TXNRD1: variants seen among roughly 807,000 people sequenced by gnomAD.
The protein encoded by TXNRD1 is thioredoxin reductase 1, cytoplasmic.
Under a neutral mutation model 80.3 loss-of-function variants are expected in TXNRD1, and 57 were observed. That is an observed-to-expected ratio of 0.71 (90% CI 0.57 to 0.89). The LOEUF (loss-of-function observed/expected upper bound fraction) is 0.89, where lower values mean the gene tolerates loss of function less well. Among genes scored for constraint, TXNRD1 ranks in the 40% least tolerant of loss-of-function variants. TXNRD1 has a pLI of 0.00. For missense variants in TXNRD1, 730 were observed against 803.0 expected, an observed-to-expected ratio of 0.91 and a Z score of 1.10; for synonymous variants, 291 against 285.2, an observed-to-expected ratio of 1.02 and a Z score of -0.20.
intron 16 of TXNRD1, among the ~76,000 whole-genome samples, chr12:104,345,843 A>G (rs905839142): frequency 6.6e-6 from 1 of 152,184 alleles, no homozygotes; most frequent in Admixed American, 6.5e-5. Flanking sequence ...GTGGGGACAG[A>G]TAAGAGTATG....
chr12:104,345,420 A>G (rs1296925779), intron 16 of TXNRD1, among the ~76,000 whole-genome samples: 5 of 152,216 alleles, frequency 3.3e-5, no homozygotes. Context: ...ATTACTTACA[A>G]AAGTTGACAA....
intron 1 of TXNRD1, among the ~76,000 whole-genome samples, chr12:104,222,936 G>A (rs997655038): frequency 6.6e-6 from 1 of 152,194 alleles, no homozygotes; most frequent in Non-Finnish European, 1.5e-5. Context: ...TGTCTAGGCT[G>A]TAATAAAATA....
intron 1 of TXNRD1, among the ~76,000 whole-genome samples, chr12:104,242,019 C>A (rs1225192786): frequency 7.5e-6 from 1 of 133,588 alleles, no homozygotes; most frequent in Admixed American, 8.7e-5. Context: ...CTCACTGCAA[C>A]CTCCACCTCC....
chr12:104,302,995 TCA>T (rs2034700934), intron 4 of TXNRD1, among the ~76,000 whole-genome samples: 2 of 152,224 alleles, frequency 1.3e-5, no homozygotes, highest in Admixed American at 6.5e-5. Context: ...CTTTTAGGGT[TCA>T]GAGTTACTAC....
At chr12:104,260,151 T>G (rs531320928) in intron 3 of TXNRD1, among the ~76,000 whole-genome samples, 150 of 151,856 alleles carry the variant, frequency 9.9e-4, no homozygotes, top group African/African-American at 3.2e-3. Flanking sequence ...CTGACCAGTA[T>G]GGAGAAACCC....
chr12:104,229,016 G>A (rs892715919), intron 1 of TXNRD1, among the ~76,000 whole-genome samples: 3 of 151,922 alleles, frequency 2.0e-5, no homozygotes, highest in Non-Finnish European at 4.4e-5. Context: ...ACCGTGCCCA[G>A]CCTAGAACAT....
intron 2 of TXNRD1, among the ~76,000 whole-genome samples, chr12:104,252,772 A>G (rs11111952): frequency 0.83 from 113,302 of 136,244 alleles, 47,082 homozygotes; most frequent in East Asian, 0.89. Context: ...GCGCGATCTC[A>G]GCTCACTGCA....
At chr12:104,292,338 C>T (rs919786763) in intron 4 of TXNRD1, among the ~76,000 whole-genome samples, 17 of 152,120 alleles carry the variant, frequency 1.1e-4, no homozygotes, top group Middle Eastern at 3.4e-3. Context: ...AGGCTTTACC[C>T]GAGTTCTTTT....
At chr12:104,270,088 A>G (rs1002888165) in intron 3 of TXNRD1, among the ~76,000 whole-genome samples, 10 of 152,152 alleles carry the variant, frequency 6.6e-5, no homozygotes, top group African/African-American at 2.4e-4. Context: ...TGAATTCATC[A>G]AAGTTACTCA....
intron 1 of TXNRD1, among the ~76,000 whole-genome samples, chr12:104,233,495 G>C (rs1258337905): frequency 1.3e-5 from 2 of 152,094 alleles, no homozygotes; most frequent in African/African-American, 4.8e-5. Context: ...AAATAAAAAT[G>C]CTCCAAATTT....
chr12:104,319,671 T>C (rs1429151874), intron 9 of TXNRD1, 86 bp downstream of exon 9: 4 of 1,002,308 alleles, frequency 4.0e-6, no homozygotes, highest in Non-Finnish European at 4.5e-6. Context: ...CGTCAATTTC[T>C]TGGGCTTCAG....
chr12:104,300,610 G>A (rs1324701572), intron 4 of TXNRD1, among the ~76,000 whole-genome samples: 1 of 152,162 alleles, frequency 6.6e-6, no homozygotes, highest in African/African-American at 2.4e-5. Context: ...TATATGATTG[G>A]GGAGAGTTAT....
intron 7 of TXNRD1, among the ~76,000 whole-genome samples, chr12:104,318,522 A>G (rs2035409538): frequency 6.6e-6 from 1 of 152,240 alleles, no homozygotes; most frequent in East Asian, 1.9e-4. Flanking sequence ...CCAGCCCCTG[A>G]CATAAACACT....
At chr12:104,336,751 T>C (rs1458951343) in intron 15 of TXNRD1, among the ~76,000 whole-genome samples, 1 of 152,206 alleles carries the variant, frequency 6.6e-6, no homozygotes, top group African/African-American at 2.4e-5. Flanking sequence ...ACTATAGAGC[T>C]CTACAGGTAT....
At chr12:104,301,959 T>G (rs1021258866) in intron 4 of TXNRD1, among the ~76,000 whole-genome samples, 2 of 152,234 alleles carry the variant, frequency 1.3e-5, no homozygotes, top group African/African-American at 4.8e-5. Flanking sequence ...TGCTGCCAAA[T>G]AACTTGCAGT....
At chr12:104,323,298 C>T (rs1157036653) in intron 10 of TXNRD1, among the ~76,000 whole-genome samples, 3 of 150,342 alleles carry the variant, frequency 2.0e-5, no homozygotes, top group Non-Finnish European at 4.5e-5. Flanking sequence ...CATCCTGGCC[C>T]GTTCTCAATG....
chr12:104,271,454 G>A (rs2135725073), intron 3 of TXNRD1, among the ~76,000 whole-genome samples: 1 of 152,246 alleles, frequency 6.6e-6, no homozygotes, highest in Admixed American at 6.5e-5. Flanking sequence ...TGGGATTACA[G>A]GCATGAGCCA....
chr12:104,336,604 G>GTAC (rs2036148147), intron 15 of TXNRD1, among the ~76,000 whole-genome samples: 1 of 152,024 alleles, frequency 6.6e-6, no homozygotes, highest in Non-Finnish European at 1.5e-5. Context: ...GATGAAGAAG[G>GTAC]TACTCACCAT....
At chr12:104,323,125 G>T (rs1273756699) in intron 10 of TXNRD1, among the ~76,000 whole-genome samples, 5 of 122,960 alleles carry the variant, frequency 4.1e-5, no homozygotes, top group Non-Finnish European at 6.8e-5. Flanking sequence ...TGGGGGTAAG[G>T]TCACAGATCA....
Sources: allele counts gnomAD v4.1 joint callset (sites outside exome capture counted in the v4.1 genomes callset), GRCh38; gene constraint gnomAD v4.1.1; transcripts MANE v1.5; gene names NCBI Gene and HGNC (gene_info 2026-07-23, HGNC 2026-07-21).